The following CSMD1 variants were observed in gnomAD, a reference collection of about 807,000 sequenced individuals.
CSMD1 encodes CUB and Sushi multiple domains 1, also known as CUB and sushi domain-containing protein 1.
A neutral mutation model predicts 417.5 loss-of-function variants in CSMD1; 213 were observed. That is an observed-to-expected ratio of 0.51 (90% CI 0.46 to 0.57). CSMD1 has a LOEUF of 0.57. Ranked by LOEUF, CSMD1 falls within the 20% of genes least tolerant of loss-of-function variation. The pLI, the probability that CSMD1 is intolerant of heterozygous loss-of-function variation, is 0.00. For synonymous variants in CSMD1, 2,862 were observed against 1,736.8 expected, an observed-to-expected ratio of 1.65 and a Z score of -16.11; for missense variants, 6,923 against 4,529.7, an observed-to-expected ratio of 1.53 and a Z score of -15.17.
At chr8:4,204,094 C>A (rs1027406512) in intron 3 of CSMD1, among the ~76,000 whole-genome samples, 8 of 152,222 alleles carry the variant, frequency 5.3e-5, no homozygotes, top group Middle Eastern at 6.8e-3. Flanking sequence ...GAACAAGACT[C>A]TGTCTCAAAA....
chr8:4,675,579 T>G (rs1420617383), intron 1 of CSMD1, among the ~76,000 whole-genome samples: 1 of 152,146 alleles, frequency 6.6e-6, no homozygotes, highest in African/African-American at 2.4e-5. Flanking sequence ...AAGGCCTAAG[T>G]TGAGGTGGTA....
intron 5 of CSMD1, among the ~76,000 whole-genome samples, chr8:3,968,879 G>A (rs987804307): frequency 3.3e-5 from 5 of 152,264 alleles, no homozygotes; most frequent in African/African-American, 1.2e-4. Flanking sequence ...TTTCTTGCAA[G>A]AAAGATTCAT....
chr8:4,072,030 G>C (rs368820481), intron 3 of CSMD1, among the ~76,000 whole-genome samples: 2 of 152,288 alleles, frequency 1.3e-5, no homozygotes, highest in African/African-American at 4.8e-5. Flanking sequence ...GGTTCAGAAA[G>C]AAAGTGGATG....
chr8:4,393,187 G>T (rs1803970670), intron 3 of CSMD1, among the ~76,000 whole-genome samples: 1 of 151,890 alleles, frequency 6.6e-6, no homozygotes, highest in Non-Finnish European at 1.5e-5. Flanking sequence ...TGTTGCCCAG[G>T]ATGGTCTCAA....
rs180941209 is a variant in CSMD1, at chr8:3,325,914, A to G, written c.3631+17380T>C. Among the ~76,000 whole-genome samples the G allele has an allele frequency of 2.8e-4, 43 of 152,388 alleles. 1 individual carries two copies. The highest frequency in any genetic ancestry group is 3.4e-3 in the Middle Eastern group (1 of 294). On this transcript the variant is annotated intron_variant, in intron 23 of 69. Transcript: ENST00000635120. ...ACTATCAGATCATCACAAAATATAAAGAATAATTCATTATGCAAATAAGAA... is the reference window on the plus strand; with the variant it reads ...ACTATCAGATCATCACAAAATATAAGGAATAATTCATTATGCAAATAAGAA...
At chr8:4,176,127 C>A (rs773377621) in intron 3 of CSMD1, among the ~76,000 whole-genome samples, 2 of 152,052 alleles carry the variant, frequency 1.3e-5, no homozygotes, top group Non-Finnish European at 2.9e-5. Context: ...GTCTCAAGGG[C>A]AGTCCACATT....
chr8:4,774,897 C>T (rs1235355116), intron 1 of CSMD1, among the ~76,000 whole-genome samples: 5 of 152,118 alleles, frequency 3.3e-5, no homozygotes, highest in Admixed American at 6.5e-5. Context: ...CTGAGGCCTC[C>T]GCAGAAGCCA....
chr8:3,107,881 A>G, intron 44 of CSMD1, 83 bp from the exon 45 acceptor site: 3 of 868,970 alleles, frequency 3.5e-6, no homozygotes, highest in Non-Finnish European at 5.5e-6. Flanking sequence ...TTCATCTTGC[A>G]GTTGTTATAA....
chr8:3,515,583 G>C (rs1462935497), intron 10 of CSMD1, among the ~76,000 whole-genome samples: 1 of 152,200 alleles, frequency 6.6e-6, no homozygotes, highest in Non-Finnish European at 1.5e-5. Flanking sequence ...CGGAAGTTTA[G>C]AATGTTTCCA....
chr8:4,027,098 C>A (rs1563334436), intron 4 of CSMD1, among the ~76,000 whole-genome samples: 1 of 152,172 alleles, frequency 6.6e-6, no homozygotes, highest in Admixed American at 6.5e-5. Flanking sequence ...CACAGAAAAA[C>A]ACAGCTTTGT....
chr8:4,602,594 G>T (rs1342010403), intron 2 of CSMD1, among the ~76,000 whole-genome samples: 1 of 152,284 alleles, frequency 6.6e-6, no homozygotes, highest in South Asian at 2.1e-4. Context: ...TACAAGTAAA[G>T]AAATATTCTA....
rs544689457 is a variant in CSMD1, at chr8:3,558,015, A to G, written c.1344+16930T>C. On this transcript the variant is annotated intron_variant, in intron 10 of 69. Coordinates refer to ENST00000635120, the MANE Select transcript of CSMD1 (RefSeq NM_033225.6). ...GTGGTACCCTGTGTCCACTCCTCCAATGATGAATGGTGCCTCAGAAGTAAC... is the reference window on the plus strand; with the variant it reads ...GTGGTACCCTGTGTCCACTCCTCCAGTGATGAATGGTGCCTCAGAAGTAAC... 5.3e-5 allele frequency among the ~76,000 whole-genome samples: 8 copies of G among 151,472 alleles called. No individual in the cohort carries two copies. The East Asian group carries it at 1.2e-3, about 22-fold the overall frequency.
chr8:3,907,568 T>A (rs1808193656), intron 5 of CSMD1, among the ~76,000 whole-genome samples: 1 of 152,184 alleles, frequency 6.6e-6, no homozygotes, highest in Non-Finnish European at 1.5e-5. Flanking sequence ...AAGTGTGAGT[T>A]ACCAGTGGTT....
intron 2 of CSMD1, among the ~76,000 whole-genome samples, chr8:4,568,210 A>T (rs1234461537): frequency 6.6e-6 from 1 of 152,158 alleles, no homozygotes; most frequent in African/African-American, 2.4e-5. Flanking sequence ...ACATGGGTAT[A>T]CATGTTTACT....
At chr8:3,935,376 T>TA in intron 5 of CSMD1, among the ~76,000 whole-genome samples, 1 of 152,360 alleles carries the variant, frequency 6.6e-6, no homozygotes, top group East Asian at 1.9e-4. Flanking sequence ...CAGGCATACC[T>TA]AATCTCTTTG....
At chr8:3,694,564 G>T (rs908642901) in intron 7 of CSMD1, among the ~76,000 whole-genome samples, 2 of 151,920 alleles carry the variant, frequency 1.3e-5, no homozygotes, top group African/African-American at 4.8e-5. Flanking sequence ...TCAGTGGAAG[G>T]CCAGGCCCGA....
intron 26 of CSMD1, among the ~76,000 whole-genome samples, chr8:3,277,835 G>A (rs1011661046): frequency 6.6e-6 from 1 of 152,170 alleles, no homozygotes; most frequent in Non-Finnish European, 1.5e-5. Flanking sequence ...GATGAATTAT[G>A]TCCAAGGGTT....
intron 17 of CSMD1, among the ~76,000 whole-genome samples, chr8:3,395,039 T>C (rs1811602214): frequency 6.6e-6 from 1 of 152,120 alleles, no homozygotes; most frequent in African/African-American, 2.4e-5. Context: ...AATTTAAATG[T>C]GCTGGAGTGG....
chr8:4,239,307 C>T (rs1585078436), intron 3 of CSMD1, among the ~76,000 whole-genome samples: 1 of 152,290 alleles, frequency 6.6e-6, no homozygotes, highest in Non-Finnish European at 1.5e-5. Flanking sequence ...GTGTGGGCAA[C>T]ACCAGTGCTA....
Sources: gnomAD v4.1 joint callset for allele counts (sites outside exome capture counted in the v4.1 genomes callset) on GRCh38, gnomAD v4.1.1 for gene constraint, MANE v1.5 for transcripts, NCBI Gene and HGNC (gene_info 2026-07-23, HGNC 2026-07-21) for gene names.